PTPRD: variants seen among roughly 807,000 people sequenced by gnomAD.
PTPRD encodes the protein protein tyrosine phosphatase receptor type D.
Under a neutral mutation model 214.5 loss-of-function variants are expected in PTPRD, and 34 were observed. The observed-to-expected ratio is 0.16, with a 90% CI of 0.12 to 0.21. The LOEUF (loss-of-function observed/expected upper bound fraction) is 0.21, where lower values mean the gene tolerates loss of function less well. Ranked by LOEUF, PTPRD falls within the 10% of genes least tolerant of loss-of-function variation. The probability of loss-of-function intolerance (pLI) is 1.00; values close to 1 mark genes in which losing one functional copy is unlikely to be tolerated. For missense variants in PTPRD, 2,545 were observed against 2,398.7 expected (o/e 1.06, Z -1.27); for synonymous variants, 1,128 against 845.7 (o/e 1.33, Z -5.79).
At chr9:9,191,721 T>C (rs1359266712) in intron 9 of PTPRD, among the ~76,000 whole-genome samples, 2 of 152,122 alleles carry the variant, frequency 1.3e-5, no homozygotes, top group Non-Finnish European at 2.9e-5. Context: ...AAAAGCCATT[T>C]AAGAATCAAG....
rs186412563 is a variant in PTPRD at position 8,786,254 on chromosome 9, C to A, written c.-103-52308G>T. Among the ~76,000 whole-genome samples, 102 of 152,128 alleles carry A rather than the reference C, an allele frequency of 6.7e-4. No individual in the cohort carries two copies. The Middle Eastern group carries it at 0.01, about 15-fold the overall frequency. ...TATGAGTTTCATTTTGTTAAACAGT[C>A]AACACTGAAATTGTTTTAATCCTAT... On this transcript the variant is annotated intron_variant, in intron 11 of 45. Coordinates refer to ENST00000381196, the MANE Select transcript of PTPRD (RefSeq NM_002839.4).
intron 11 of PTPRD, among the ~76,000 whole-genome samples, chr9:8,762,388 A>T (rs1354626980): frequency 6.6e-6 from 1 of 152,230 alleles, no homozygotes; most frequent in East Asian, 1.9e-4. Context: ...TATTTAAAGC[A>T]TGCAGAAGTC....
chr9:10,283,925 G>C (rs950718674), intron 3 of PTPRD, among the ~76,000 whole-genome samples: 4 of 152,156 alleles, frequency 2.6e-5, no homozygotes, highest in African/African-American at 9.7e-5. Flanking sequence ...ATTGGGTCTG[G>C]TTCTAGGGCA....
chr9:9,467,234 T>C (rs10977790), intron 8 of PTPRD, among the ~76,000 whole-genome samples: 46,954 of 122,300 alleles, frequency 0.38, 6,211 homozygotes, highest in East Asian at 0.48. Flanking sequence ...TTTTTTTTTT[T>C]TTTAACCTAA....
chr9:9,716,586 G>T (rs1423673154), intron 7 of PTPRD, among the ~76,000 whole-genome samples: 1 of 152,138 alleles, frequency 6.6e-6, no homozygotes, highest in African/African-American at 2.4e-5. Flanking sequence ...GTTTTGATTT[G>T]CATTTCTCTG....
chr9:9,979,086 T>C (rs1045603742), intron 4 of PTPRD, among the ~76,000 whole-genome samples: 1 of 151,994 alleles, frequency 6.6e-6, no homozygotes, highest in Non-Finnish European at 1.5e-5. Context: ...CAGACAAAAC[T>C]AAAGCTGATT....
intron 3 of PTPRD, among the ~76,000 whole-genome samples, chr9:10,278,836 G>A (rs1021408688): frequency 1.5e-4 from 23 of 151,836 alleles, no homozygotes; most frequent in Admixed American, 5.9e-4. Flanking sequence ...GTGCAGTAGC[G>A]CGATCTCGGC....
At chr9:9,434,183 A>G (rs1336082587) in intron 8 of PTPRD, among the ~76,000 whole-genome samples, 1 of 152,210 alleles carries the variant, frequency 6.6e-6, no homozygotes, top group Non-Finnish European at 1.5e-5. Flanking sequence ...AAGATTAAGT[A>G]TTCTAAATTA....
intron 2 of PTPRD, among the ~76,000 whole-genome samples, chr9:10,343,134 G>A (rs1275607132): frequency 6.9e-6 from 1 of 144,650 alleles, no homozygotes; most frequent in African/African-American, 2.6e-5. Context: ...CCCAGCCCCC[G>A]ACCCCCTGAC....
At chr9:8,532,473 A>G (rs1320123609) in intron 14 of PTPRD, among the ~76,000 whole-genome samples, 3 of 152,084 alleles carry the variant, frequency 2.0e-5, no homozygotes, top group Admixed American at 6.6e-5. Context: ...AATATCCTTA[A>G]TAACTTAACC....
chr9:9,037,444 C>A (rs995222253), intron 10 of PTPRD, among the ~76,000 whole-genome samples: 2 of 152,214 alleles, frequency 1.3e-5, no homozygotes, highest in East Asian at 1.9e-4. Flanking sequence ...CCAGGGTGAA[C>A]TTTTCAGCAG....
At chr9:10,035,953 G>A (rs556837626) in intron 3 of PTPRD, among the ~76,000 whole-genome samples, 32 of 152,156 alleles carry the variant, frequency 2.1e-4, no homozygotes, top group Non-Finnish European at 3.8e-4. Flanking sequence ...TTAAAACTTA[G>A]GAGGACATAG....
chr9:9,049,650 G>T (rs775394286), intron 10 of PTPRD, among the ~76,000 whole-genome samples: 2 of 152,106 alleles, frequency 1.3e-5, no homozygotes, highest in African/African-American at 2.4e-5. Context: ...CATTTGAATA[G>T]CAGTGTAGAG....
chr9:8,513,096 G>C (rs933422427), intron 21 of PTPRD, among the ~76,000 whole-genome samples: 16 of 151,900 alleles, frequency 1.1e-4, no homozygotes, highest in African/African-American at 3.6e-4. Flanking sequence ...AGGTAAACTA[G>C]TTGCAAGTGA....
At chr9:8,499,532 G>T in intron 25 of PTPRD, 115 bp downstream of exon 25, 1 of 1,078,854 alleles carries the variant, frequency 9.3e-7, no homozygotes, top group Non-Finnish European at 1.3e-6. Flanking sequence ...ATGAAAACTA[G>T]AATTTTGTAT....
rs546949019 is a variant in PTPRD at position 8,823,617 on chromosome 9, C to T, written c.-103-89671G>A. On this transcript the variant is annotated intron_variant, in intron 11 of 45. Coordinates refer to ENST00000381196, the MANE Select transcript of PTPRD (RefSeq NM_002839.4). ...AGTGAGCTGTGATCACACCACTGCA[C>T]TCCAGCCTGGGGAAACAGAGTGAGA... Among the ~76,000 whole-genome samples, 133 of 151,626 alleles carry T rather than the reference C, an allele frequency of 8.8e-4. 1 individual carries two copies. Among genetic ancestry groups the T allele is most frequent in the African/African-American group, 3.1e-3 (128 of 41,282 alleles).
chr9:9,013,289 T>C (rs578115537), intron 11 of PTPRD, among the ~76,000 whole-genome samples: 1 of 152,150 alleles, frequency 6.6e-6, no homozygotes, highest in Non-Finnish European at 1.5e-5. Flanking sequence ...TGAAAACCAC[T>C]CTCAAGGTGA....
At chr9:10,245,035 T>A (rs952606220) in intron 3 of PTPRD, among the ~76,000 whole-genome samples, 1 of 152,136 alleles carries the variant, frequency 6.6e-6, no homozygotes, top group South Asian at 2.1e-4. Context: ...ATTCACACAA[T>A]GTATCTAATT....
chr9:8,634,613 A>G (rs2096369149), intron 13 of PTPRD, among the ~76,000 whole-genome samples: 1 of 152,070 alleles, frequency 6.6e-6, no homozygotes, highest in African/African-American at 2.4e-5. Flanking sequence ...CAACTCTATA[A>G]AGCATACACT....
Sources: gnomAD v4.1 joint callset for allele counts (sites outside exome capture counted in the v4.1 genomes callset) on GRCh38, gnomAD v4.1.1 for gene constraint, MANE v1.5 for transcripts, NCBI Gene and HGNC (gene_info 2026-07-23, HGNC 2026-07-21) for gene names.